Variants in PACRG observed in about 807,000 individuals in gnomAD.
The protein encoded by PACRG is parkin coregulated gene protein.
In PACRG, 29 loss-of-function variants were observed where a neutral mutation model predicts 29.7. The observed-to-expected ratio is 0.98, with a 90% CI of 0.73 to 1.33. PACRG has a LOEUF of 1.33. PACRG is among the 40% of genes most tolerant of loss of function. PACRG has a pLI of 0.00. For missense variants in PACRG, 279 were observed against 316.2 expected (o/e 0.88, Z 0.89); for synonymous variants, 116 against 118.7 (o/e 0.98, Z 0.15).
chr6:163,220,043 A>G (rs1358487929), intron 4 of PACRG, among the ~76,000 whole-genome samples: 1 of 152,190 alleles, frequency 6.6e-6, no homozygotes, highest in East Asian at 1.9e-4. Flanking sequence ...ATATCAATGC[A>G]TTAGCTCTCT....
intron 2 of PACRG, among the ~76,000 whole-genome samples, chr6:163,013,607 G>A (rs1038847655): frequency 2.0e-4 from 31 of 152,226 alleles, no homozygotes; most frequent in Non-Finnish European, 2.8e-4. Context: ...AGATTTTGAG[G>A]AGCTGTGCAC....
chr6:163,244,923 T>C (rs1468959049), intron 4 of PACRG: 1 of 338,014 alleles, frequency 3.0e-6, no homozygotes, highest in Admixed American at 3.8e-5. Context: ...AATTCCCCGT[T>C]ATGCTTCTCT....
intron 2 of PACRG, among the ~76,000 whole-genome samples, chr6:163,034,242 T>C (rs1279988600): frequency 6.6e-6 from 1 of 152,196 alleles, no homozygotes; most frequent in African/African-American, 2.4e-5. Flanking sequence ...AAGTTTCCCC[T>C]TTTAGGGAAG....
intron 4 of PACRG, among the ~76,000 whole-genome samples, chr6:163,222,679 A>T (rs1402991937): frequency 6.6e-6 from 1 of 152,224 alleles, no homozygotes; most frequent in Admixed American, 6.5e-5. Context: ...CCATCCTAAA[A>T]GAGCTGAAGC....
chr6:162,843,875 C>G (rs1790053487), intron 2 of PACRG, among the ~76,000 whole-genome samples: 4 of 59,088 alleles, frequency 6.8e-5, no homozygotes, highest in African/African-American at 2.2e-4. Flanking sequence ...TGTCAGTGTG[C>G]CCCTGCTGGG....
chr6:163,137,268 T>C (rs1585255984), intron 4 of PACRG, among the ~76,000 whole-genome samples: 1 of 152,254 alleles, frequency 6.6e-6, no homozygotes, highest in East Asian at 1.9e-4. Context: ...GAGATGAATT[T>C]AAATTTCATC....
intron 1 of PACRG, among the ~76,000 whole-genome samples, chr6:162,808,336 A>G (rs1786542669): frequency 6.6e-6 from 1 of 152,232 alleles, no homozygotes; most frequent in Admixed American, 6.5e-5. Flanking sequence ...AGTAATCAAT[A>G]TCTTTGCATC....
At chr6:163,126,878 G>A (rs1816537372) in intron 4 of PACRG, among the ~76,000 whole-genome samples, 1 of 152,240 alleles carries the variant, frequency 6.6e-6, no homozygotes, top group African/African-American at 2.4e-5. Flanking sequence ...CCGAAGGGGA[G>A]TCTATCCAGG....
At chr6:162,986,877 T>C (rs764072263) in intron 2 of PACRG, among the ~76,000 whole-genome samples, 6 of 152,164 alleles carry the variant, frequency 3.9e-5, no homozygotes, top group Non-Finnish European at 7.3e-5. Context: ...TGTGATTGTT[T>C]TTTCTTTATG....
At chr6:163,083,044 G>A (rs1273101602) in intron 3 of PACRG, among the ~76,000 whole-genome samples, 1 of 152,162 alleles carries the variant, frequency 6.6e-6, no homozygotes, top group South Asian at 2.1e-4. Context: ...GTCTATCAGG[G>A]CGTCTCCTCT....
chr6:163,241,992 C>G (rs1782526635), intron 4 of PACRG, among the ~76,000 whole-genome samples: 1 of 152,144 alleles, frequency 6.6e-6, no homozygotes. Context: ...ATGTCACTGC[C>G]TAATTGCTTT....
At chr6:163,163,918 AT>A in intron 4 of PACRG, among the ~76,000 whole-genome samples, 1 of 149,042 alleles carries the variant, frequency 6.7e-6, no homozygotes, top group African/African-American at 2.4e-5. Flanking sequence ...TAAATAATAT[AT>A]TTTACAGATA....
chr6:163,144,351 C>T (rs1330781530), intron 4 of PACRG, among the ~76,000 whole-genome samples: 1 of 128,774 alleles, frequency 7.8e-6, no homozygotes, highest in Non-Finnish European at 1.7e-5. Flanking sequence ...CATACATACA[C>T]ACACACACAC....
intron 2 of PACRG, among the ~76,000 whole-genome samples, chr6:163,058,539 G>A (rs140800847): frequency 1.8e-3 from 281 of 151,962 alleles, no homozygotes; most frequent in South Asian, 0.011. Context: ...TTGGGAGGCC[G>A]AGGTGGGTGG....
intron 2 of PACRG, among the ~76,000 whole-genome samples, chr6:162,873,146 A>T (rs1358837432): frequency 6.6e-6 from 1 of 152,112 alleles, no homozygotes; most frequent in Non-Finnish European, 1.5e-5. Flanking sequence ...TACGTATGAG[A>T]TGTGGTTATC....
At chr6:163,195,075 T>C (rs1780389730) in intron 4 of PACRG, among the ~76,000 whole-genome samples, 1 of 151,850 alleles carries the variant, frequency 6.6e-6, no homozygotes. Flanking sequence ...GTAGAGGGAG[T>C]CCACTTCTCT....
chr6:163,207,983 G>A (rs1780976874), intron 4 of PACRG, among the ~76,000 whole-genome samples: 1 of 152,210 alleles, frequency 6.6e-6, no homozygotes. Context: ...CAGCAAAGCT[G>A]CCAGGCGTTG....
intron 2 of PACRG, among the ~76,000 whole-genome samples, chr6:162,882,805 G>A (rs1346236056): frequency 6.6e-5 from 10 of 152,250 alleles, no homozygotes; most frequent in African/African-American, 1.9e-4. Flanking sequence ...TCTGACCTTC[G>A]TGAATTATTT....
intron 4 of PACRG, chr6:163,189,890 T>C (rs907263154): frequency 2.0e-5 from 3 of 152,214 alleles, no homozygotes; most frequent in East Asian, 1.9e-4. Flanking sequence ...TGTTGCTGCT[T>C]AGTTCATGCT....
Sources: gnomAD v4.1 joint callset for allele counts (sites outside exome capture counted in the v4.1 genomes callset) on GRCh38, gnomAD v4.1.1 for gene constraint, MANE v1.5 for transcripts, NCBI Gene and HGNC (gene_info 2026-07-23, HGNC 2026-07-21) for gene names.